CNTN5: variants seen among roughly 807,000 people sequenced by gnomAD.
The protein encoded by CNTN5 is contactin-5.
CNTN5 carries 77 observed loss-of-function variants against 129.1 expected under a neutral mutation model. That is an observed-to-expected ratio of 0.60 (90% CI 0.50 to 0.72). The LOEUF is 0.72. CNTN5 is among the 30% of genes least tolerant of loss of function. The pLI is 0.00. For synonymous variants in CNTN5, 509 were observed against 465.6 expected (o/e 1.09, Z -1.20); for missense variants, 1,478 against 1,328.8 (o/e 1.11, Z -1.75).
At chr11:99,154,867 C>T (rs1035579646) in intron 1 of CNTN5, among the ~76,000 whole-genome samples, 5 of 152,242 alleles carry the variant, frequency 3.3e-5, no homozygotes, top group African/African-American at 1.2e-4. Flanking sequence ...GCCTGGTGGT[C>T]ACCCTCAGGC....
chr11:99,272,967 G>T (rs932076968), intron 1 of CNTN5, among the ~76,000 whole-genome samples: 8 of 151,810 alleles, frequency 5.3e-5, no homozygotes, highest in African/African-American at 1.9e-4. Flanking sequence ...TTGAGAGAGT[G>T]AAGTATAAGT....
At position 99,916,921 on chromosome 11, in the gene CNTN5, CAG is replaced by C. The variant is rs1009882900; in HGVS notation, c.673+774_673+775del. Among the ~76,000 whole-genome samples, 11 of 152,116 alleles carry C rather than the reference CAG, an allele frequency of 7.2e-5. No individual in the cohort carries two copies. The South Asian group carries it at 1.9e-3, about 26-fold the overall frequency. On this transcript the variant is annotated intron_variant, in intron 7 of 24. Coordinates refer to ENST00000524871, the MANE Select transcript of CNTN5 (RefSeq NM_014361.4). ...GAAGGCCTTAATTAACAACTGGTAA[CAG>C]AATTGAAGGTCTTGGTATGTCAGTA... is the stretch of plus-strand genomic sequence containing the variant.
rs200949680 is a variant in CNTN5, at chr11:99,916,106, C to G, written c.630C>G (p.Gly210=). The part of the protein sequence containing the change: ...RTRSAVSVRE[G]QGVVLMCSPP... Reference sequence around the variant, plus strand: ...GAAGTGCAGTCTCTGTGAGGGAAGGCCAGGGTGTCGTTCTGATGTGCTCTC... The same window carrying G: ...GAAGTGCAGTCTCTGTGAGGGAAGGGCAGGGTGTCGTTCTGATGTGCTCTC... The change falls in exon 7 of 25, where the codon GGC becomes GGG. Residue 210 remains glycine, a synonymous_variant. Transcript: ENST00000524871. The G allele has an allele frequency of 6.2e-7, 1 of 1,612,346 alleles. No homozygotes were observed. Among genetic ancestry groups the G allele is most frequent in the Non-Finnish European group, 8.5e-7 (1 of 1,179,200 alleles).
At chr11:99,273,341 A>G (rs1424592471) in intron 1 of CNTN5, among the ~76,000 whole-genome samples, 1 of 151,820 alleles carries the variant, frequency 6.6e-6, no homozygotes, top group Non-Finnish European at 1.5e-5. Flanking sequence ...TCAACACAAA[A>G]TGTCAGTTCA....
chr11:100,159,944 A>G (rs983690833), intron 13 of CNTN5, among the ~76,000 whole-genome samples: 1 of 151,796 alleles, frequency 6.6e-6, no homozygotes, highest in Admixed American at 6.6e-5. Context: ...TTTCATATAT[A>G]TACTTTAAGT....
chr11:99,627,449 G>T (rs594789), intron 3 of CNTN5, among the ~76,000 whole-genome samples: 92,917 of 151,830 alleles, frequency 0.61, 29,309 homozygotes, highest in Admixed American at 0.74. Flanking sequence ...GAAAAATATG[G>T]TTTTTAATGT....
chr11:99,976,229 C>A (rs1937960752), intron 8 of CNTN5, among the ~76,000 whole-genome samples: 1 of 152,230 alleles, frequency 6.6e-6, no homozygotes, highest in Admixed American at 6.5e-5. Flanking sequence ...CCCTTTGTCT[C>A]TGCAGGATAC....
intron 1 of CNTN5, among the ~76,000 whole-genome samples, chr11:99,083,538 T>C (rs1865889715): frequency 6.6e-6 from 1 of 152,218 alleles, no homozygotes; most frequent in African/African-American, 2.4e-5. Context: ...ATAATATTGA[T>C]TCTTTCTTCA....
At chr11:99,345,562 A>G (rs1937788513) in intron 2 of CNTN5, among the ~76,000 whole-genome samples, 1 of 152,192 alleles carries the variant, frequency 6.6e-6, no homozygotes, top group Admixed American at 6.5e-5. Context: ...AAGGAATATG[A>G]GGTTAAAAGA....
intron 1 of CNTN5, among the ~76,000 whole-genome samples, chr11:99,217,592 G>A (rs1220956339): frequency 1.3e-5 from 2 of 152,118 alleles, no homozygotes; most frequent in Non-Finnish European, 2.9e-5. Flanking sequence ...TGAGTAGCAA[G>A]GTCTGAGTTA....
chr11:100,345,764 T>C (rs1952265388), intron 23 of CNTN5, among the ~76,000 whole-genome samples: 1 of 152,096 alleles, frequency 6.6e-6, no homozygotes, highest in Non-Finnish European at 1.5e-5. Flanking sequence ...GATTTTTTTT[T>C]GAGATTGTCT....
chr11:99,856,471 A>T (rs1271547701), intron 6 of CNTN5, among the ~76,000 whole-genome samples: 1 of 152,140 alleles, frequency 6.6e-6, no homozygotes, highest in Non-Finnish European at 1.5e-5. Context: ...CCTGGAAGTT[A>T]TGTTTGTGGT....
intron 3 of CNTN5, among the ~76,000 whole-genome samples, chr11:99,724,610 A>C (rs1017132212): frequency 6.6e-6 from 1 of 152,198 alleles, no homozygotes; most frequent in South Asian, 2.1e-4. Context: ...TGTCAAAGTC[A>C]CACAGTTAGT....
At chr11:99,923,684 C>T (rs563503858) in intron 7 of CNTN5, among the ~76,000 whole-genome samples, 1 of 152,218 alleles carries the variant, frequency 6.6e-6, no homozygotes, top group African/African-American at 2.4e-5. Flanking sequence ...AATTTGCATT[C>T]CCATGAAAAA....
intron 2 of CNTN5, among the ~76,000 whole-genome samples, chr11:99,482,358 T>C (rs1274711753): frequency 6.6e-6 from 1 of 152,164 alleles, no homozygotes; most frequent in Non-Finnish European, 1.5e-5. Flanking sequence ...ATAAAGAAAT[T>C]ATAGTGCAAA....
At chr11:99,829,470 A>G (rs1177901841) in intron 4 of CNTN5, among the ~76,000 whole-genome samples, 1 of 152,218 alleles carries the variant, frequency 6.6e-6, no homozygotes, top group African/African-American at 2.4e-5. Context: ...AGAGATACAC[A>G]TAGTCAATGA....
At chr11:99,401,243 A>T (rs1314056469) in intron 2 of CNTN5, among the ~76,000 whole-genome samples, 1 of 152,054 alleles carries the variant, frequency 6.6e-6, no homozygotes, top group African/African-American at 2.4e-5. Flanking sequence ...ATCCATTTTG[A>T]TTTGAATTTT....
intron 9 of CNTN5, among the ~76,000 whole-genome samples, chr11:100,013,586 G>T (rs1416244668): frequency 6.6e-6 from 1 of 152,100 alleles, no homozygotes; most frequent in Non-Finnish European, 1.5e-5. Context: ...TTATCTCACT[G>T]GATTACAAAC....
chr11:99,879,594 GTTTT>G (rs150022298), intron 6 of CNTN5, among the ~76,000 whole-genome samples: 1 of 151,694 alleles, frequency 6.6e-6, no homozygotes, highest in East Asian at 1.9e-4. Context: ...TTGAGTTTGG[GTTTT>G]TTTTCTGATT....
Sources: gnomAD v4.1 joint callset for allele counts (sites outside exome capture counted in the v4.1 genomes callset) on GRCh38, gnomAD v4.1.1 for gene constraint, MANE v1.5 for transcripts, NCBI Gene and HGNC (gene_info 2026-07-23, HGNC 2026-07-21) for gene names.